The following ZMAT3 variants were observed in gnomAD, a reference collection of about 807,000 sequenced individuals.
ZMAT3 encodes the protein zinc finger matrin-type 3.
ZMAT3 carries 17 observed loss-of-function variants against 32.3 expected under a neutral mutation model. The ratio of observed to expected loss-of-function variants is 0.53; its 90% confidence interval spans 0.36 to 0.79. The LOEUF is 0.79. Among genes scored for constraint, ZMAT3 ranks in the 30% least tolerant of loss-of-function variants. The pLI is 0.00. For synonymous variants in ZMAT3, 120 were observed against 133.1 expected, an observed-to-expected ratio of 0.90 and a Z score of 0.68; for missense variants, 329 against 359.7, an observed-to-expected ratio of 0.91 and a Z score of 0.69.
intron 3 of ZMAT3, among the ~76,000 whole-genome samples, chr3:179,029,618 C>G (rs1312827199): frequency 6.6e-6 from 1 of 152,084 alleles, no homozygotes; most frequent in Non-Finnish European, 1.5e-5. Flanking sequence ...CACACACCAC[C>G]ACACCCAGCT....
chr3:179,032,415 G>A (rs9830482), intron 2 of ZMAT3, among the ~76,000 whole-genome samples: 123,826 of 151,978 alleles, frequency 0.81, 50,846 homozygotes, highest in East Asian at 0.94. Flanking sequence ...GCCTCTGCCC[G>A]GCCGCCACCC....
At chr3:179,049,986 C>A (rs1378476539) in intron 2 of ZMAT3, among the ~76,000 whole-genome samples, 4 of 71,414 alleles carry the variant, frequency 5.6e-5, no homozygotes, top group East Asian at 6.0e-4. Context: ...AGCAAGACTC[C>A]GTCTCAAAAA....
intron 2 of ZMAT3, among the ~76,000 whole-genome samples, chr3:179,044,525 TC>T (rs1720123596): frequency 1.3e-5 from 2 of 152,066 alleles, no homozygotes; most frequent in South Asian, 4.1e-4. Flanking sequence ...GTGCTTGTAG[TC>T]CCAGCTACTT....
chr3:179,059,595 T>C (rs1489354766), intron 2 of ZMAT3, among the ~76,000 whole-genome samples: 1 of 152,142 alleles, frequency 6.6e-6, no homozygotes, highest in Non-Finnish European at 1.5e-5. Flanking sequence ...GCTGTAAAAC[T>C]ACAAATCGTT....
In ZMAT3 at chr3:179,023,711, T is replaced by TATATATATATATATATA. The variant is rs57477590; in HGVS notation, c.*1305_*1306insTATATATATATATATAT. ...GAAAATATATCTATATATATATATA[T>TATATATATATATATATA]TTTTTTTTTTTTTTTTTTTTTTTTT... is the stretch of plus-strand genomic sequence containing the variant. On this transcript the variant is annotated 3_prime_UTR_variant, in exon 6 of 6. Transcript: ENST00000311417. The TATATATATATATATATA allele has an allele frequency of 1.9e-3, 29 of 15,068 alleles. 3 individuals are homozygous for TATATATATATATATATA. In the East Asian group the frequency reaches 0.02, roughly 11 times the overall value. The allele number at this position is 15,068 out of a possible 1,614,324, so 0.9% of individuals were successfully genotyped here.
At chr3:179,048,035 A>G (rs1252007588) in intron 2 of ZMAT3, among the ~76,000 whole-genome samples, 1 of 152,244 alleles carries the variant, frequency 6.6e-6, no homozygotes, top group Non-Finnish European at 1.5e-5. Flanking sequence ...AAGTCTCAGC[A>G]ATAGAGTCGG....
chr3:179,032,930 G>A (rs1301439522), intron 2 of ZMAT3, among the ~76,000 whole-genome samples: 1 of 150,734 alleles, frequency 6.6e-6, no homozygotes, highest in South Asian at 2.1e-4. Flanking sequence ...CTGCCCGGCC[G>A]CCCCGTCTGG....
intron 2 of ZMAT3, among the ~76,000 whole-genome samples, chr3:179,052,953 C>T (rs563846104): frequency 2.2e-4 from 33 of 151,990 alleles, no homozygotes; most frequent in African/African-American, 8.0e-4. Context: ...CATGGTGAAA[C>T]CCCGTCTCTA....
chr3:179,060,352 CA>C (rs1469679124), intron 2 of ZMAT3, among the ~76,000 whole-genome samples: 1 of 150,116 alleles, frequency 6.7e-6, no homozygotes, highest in Non-Finnish European at 1.5e-5. Flanking sequence ...GAAGGAAAGA[CA>C]AAAAAATCTG....
intron 2 of ZMAT3, among the ~76,000 whole-genome samples, chr3:179,049,000 AC>A (rs1466087008): frequency 6.6e-6 from 1 of 152,228 alleles, no homozygotes; most frequent in African/African-American, 2.4e-5. Context: ...CAAATGGACA[AC>A]AAAAGTGAGC....
chr3:179,071,158 G>C (rs1721691163), intron 1 of ZMAT3, among the ~76,000 whole-genome samples: 1 of 152,226 alleles, frequency 6.6e-6, no homozygotes, highest in Admixed American at 6.5e-5. Context: ...GAAAACTGGG[G>C]AAGAGGCCTT....
chr3:179,054,469 G>A (rs4256180), intron 2 of ZMAT3, among the ~76,000 whole-genome samples: 93,077 of 152,032 alleles, frequency 0.61, 28,658 homozygotes, highest in East Asian at 0.8. Flanking sequence ...TAAAAAATCT[G>A]GAAGTCTTAT....
Position 179,030,952 on chromosome 3 carries a change from G to A in ZMAT3, c.318C>T (p.Ser106=), listed in dbSNP as rs748609109. 3.8e-5 allele frequency: 61 copies of A among 1,613,732 alleles called. No homozygotes were observed. In the East Asian group the frequency reaches 1.3e-3, roughly 34 times the overall value. Residue 106 remains serine (S), a synonymous_variant, in exon 3 of 6, where the codon AGC becomes AGT. Transcript: ENST00000311417. Reference sequence around the variant, plus strand: ...TGCTCATTCTAGCAGGAGGAGGACAGCTATTTGCTGCATAGTAATTTCGGA... The same window carrying A: ...TGCTCATTCTAGCAGGAGGAGGACAACTATTTGCTGCATAGTAATTTCGGA... ...KKLRNYYAAN[S]CPPPARMSNV...
At chr3:179,026,275 TG>T (rs2108534351) in intron 5 of ZMAT3, among the ~76,000 whole-genome samples, 1 of 152,190 alleles carries the variant, frequency 6.6e-6, no homozygotes, top group African/African-American at 2.4e-5. Context: ...TCATTTCAGA[TG>T]GATTTCTTTC....
Position 179,022,206 on chromosome 3 carries a change from G to GA in ZMAT3, c.*2810dup, listed in dbSNP as rs1440596714. ...CTGGAAACCTGAATCCACAAGGCCTGAAAAAACATCAAGCCCTTAAGTCGG... is the reference window on the plus strand; with the variant it reads ...CTGGAAACCTGAATCCACAAGGCCTGAAAAAAACATCAAGCCCTTAAGTCGG... On this transcript the variant is annotated 3_prime_UTR_variant, in exon 6 of 6. Transcript: ENST00000311417. 1 of 152,126 alleles carries GA rather than the reference G, an allele frequency of 6.6e-6. No individual in the cohort carries two copies. Among genetic ancestry groups the GA allele is most frequent in the Admixed American group, 6.5e-5 (1 of 15,274 alleles). 9.4% of individuals were successfully genotyped at this position (152,126 alleles called of 1,614,324 possible).
chr3:179,034,833 A>G (rs544064002), intron 2 of ZMAT3, among the ~76,000 whole-genome samples: 2 of 152,268 alleles, frequency 1.3e-5, no homozygotes, highest in East Asian at 3.9e-4. Flanking sequence ...AGCCCAACAC[A>G]TTCAACCCAT....
chr3:179,063,831 T>A (rs958635042), intron 2 of ZMAT3, among the ~76,000 whole-genome samples: 2 of 152,214 alleles, frequency 1.3e-5, no homozygotes, highest in Non-Finnish European at 2.9e-5. Flanking sequence ...AAGAATATAA[T>A]ATTTGATGGC....
intron 5 of ZMAT3, among the ~76,000 whole-genome samples, chr3:179,026,718 G>T (rs1217423710): frequency 6.6e-6 from 1 of 151,964 alleles, no homozygotes; most frequent in Non-Finnish European, 1.5e-5. Flanking sequence ...CCTTTTTTTA[G>T]TAGGCTTCTC....
rs1333391621 is a variant in ZMAT3, at chr3:179,046,693, T to TG, written c.271-15695dup. 6.6e-6 allele frequency among the ~76,000 whole-genome samples: 1 copy of TG among 152,168 alleles called. No individual in the cohort carries two copies. The highest frequency in any genetic ancestry group is 2.4e-5 in the African/African-American group (1 of 41,434). On this transcript the variant is annotated intron_variant, in intron 2 of 5. Coordinates refer to ENST00000311417, the MANE Select transcript of ZMAT3 (RefSeq NM_022470.4). The surrounding 1 kb of genome is among the most constrained non-coding windows in gnomAD (Gnocchi z 4.3). ...TGGGAGGAAGACCAGCCTTTAGGGC[T>TG]GGGGGATGCATGGGAGCTGGGTGAG...
Sources: allele counts gnomAD v4.1 joint callset (sites outside exome capture counted in the v4.1 genomes callset), GRCh38; gene constraint gnomAD v4.1.1; non-coding constraint Gnocchi (gnomAD v3.1); transcripts MANE v1.5; gene names NCBI Gene and HGNC (gene_info 2026-07-23, HGNC 2026-07-21).